The following METTL15 variants were observed in gnomAD, a reference collection of about 807,000 sequenced individuals.
METTL15 encodes the protein 12S rRNA N(4)-cytidine methyltransferase METTL15.
METTL15 carries 34 observed loss-of-function variants against 38.3 expected under a neutral mutation model. The ratio of observed to expected loss-of-function variants is 0.89; its 90% CI spans 0.68 to 1.18. The LOEUF is 1.18. Ranked by LOEUF, METTL15 falls within the 50% of genes most tolerant of loss-of-function variation. The pLI is 0.00. For synonymous variants in METTL15, 162 were observed against 170.9 expected (o/e 0.95, Z 0.41); for missense variants, 438 against 498.4 (o/e 0.88, Z 1.15).
At chr11:28,272,248 A>G (rs1298459861) in intron 4 of METTL15, among the ~76,000 whole-genome samples, 10 of 152,162 alleles carry the variant, frequency 6.6e-5, no homozygotes, top group Admixed American at 3.3e-4. Flanking sequence ...AAATAATTCT[A>G]CTATAAAGAC....
At chr11:28,209,249 T>A (rs1208546792) in intron 3 of METTL15, among the ~76,000 whole-genome samples, 1 of 152,026 alleles carries the variant, frequency 6.6e-6, no homozygotes, top group Non-Finnish European at 1.5e-5. Context: ...TTAGTTTAAA[T>A]CTATAGTTAC....
chr11:28,228,826 A>T lies in METTL15; in HGVS notation c.407+17628A>T, dbSNP rs566156529. On this transcript the variant is annotated intron_variant, in intron 4 of 6. Coordinates refer to ENST00000407364, the MANE Select transcript of METTL15 (RefSeq NM_001113528.2). Reference sequence around the variant, plus strand: ...TTTTAAATTTTTAATTTTTTGCCAAAAACTTTGCAGACTTACAAGGTATCT... The same window carrying T: ...TTTTAAATTTTTAATTTTTTGCCAATAACTTTGCAGACTTACAAGGTATCT... Among the ~76,000 whole-genome samples, 7 of 151,972 alleles carry T rather than the reference A, an allele frequency of 4.6e-5. No individual in the cohort carries two copies. In the South Asian group the frequency reaches 6.2e-4, roughly 14 times the overall value.
chr11:28,430,659 C>A (rs564355037), intron 6 of METTL15, among the ~76,000 whole-genome samples: 1 of 91,950 alleles, frequency 1.1e-5, no homozygotes, highest in East Asian at 3.5e-4. Context: ...CGCCTCTGCC[C>A]GGCCACCCCT....
At chr11:28,326,554 C>G (rs1382480911) in intron 6 of METTL15, among the ~76,000 whole-genome samples, 1 of 151,752 alleles carries the variant, frequency 6.6e-6, no homozygotes, top group Non-Finnish European at 1.5e-5. Context: ...ACTTTAATTT[C>G]CATTATCGCG....
In METTL15 at chr11:28,464,898, A is replaced by G. The variant is rs150253427; in HGVS notation, c.*424+40534A>G. ...GTTGGATTTGAAGTTAGGCAAGAAC[A>G]ATGTCTTGGATTTAATTTAATTTCC... On this transcript the variant is annotated intron_variant and NMD_transcript_variant, in intron 6 of 7. Transcript: ENST00000532947. Among the ~76,000 whole-genome samples, 360 of 152,352 alleles carry G rather than the reference A, an allele frequency of 2.4e-3. 1 individual carries two copies. Among genetic ancestry groups the G allele is most frequent in the African/African-American group, 7.2e-3 (301 of 41,582 alleles).
chr11:28,176,165 A>C (rs1466107406), intron 3 of METTL15, among the ~76,000 whole-genome samples: 1 of 152,048 alleles, frequency 6.6e-6, no homozygotes. Flanking sequence ...AAAGAAATAT[A>C]TTTAGAAAAT....
chr11:28,252,946 T>C (rs1854808407), intron 4 of METTL15, among the ~76,000 whole-genome samples: 1 of 152,182 alleles, frequency 6.6e-6, no homozygotes, highest in South Asian at 2.1e-4. Context: ...CTTCTGTAAC[T>C]TCAGAGTCAC....
intron 4 of METTL15, among the ~76,000 whole-genome samples, chr11:28,217,669 T>A (rs1001071692): frequency 5.9e-5 from 9 of 152,244 alleles, no homozygotes; most frequent in African/African-American, 2.2e-4. Context: ...CTAGGTTTTC[T>A]TCTAGGGTTT....
intron 5 of METTL15, among the ~76,000 whole-genome samples, chr11:28,372,418 A>C (rs1850253710): frequency 6.9e-6 from 1 of 144,456 alleles, no homozygotes; most frequent in Non-Finnish European, 1.5e-5. Flanking sequence ...TCATTAGTAC[A>C]TTGGCTAGAA....
chr11:28,112,662 C>T (rs1851767885), intron 2 of METTL15, among the ~76,000 whole-genome samples: 1 of 151,956 alleles, frequency 6.6e-6, no homozygotes, highest in African/African-American at 2.4e-5. Context: ...CATGAAATAC[C>T]GAAGTGTGCT....
At chr11:28,257,175 AT>A (rs1421720299) in intron 4 of METTL15, among the ~76,000 whole-genome samples, 1 of 152,020 alleles carries the variant, frequency 6.6e-6, no homozygotes, top group Non-Finnish European at 1.5e-5. Flanking sequence ...AGGATAAAAT[AT>A]TTTTTTCTTT....
chr11:28,522,376 G>A (rs1000302312), intron 6 of METTL15, among the ~76,000 whole-genome samples: 1 of 152,184 alleles, frequency 6.6e-6, no homozygotes, highest in Non-Finnish European at 1.5e-5. Flanking sequence ...CTGGAGACCC[G>A]AAGAAGAGCT....
In METTL15 at chr11:28,194,192, C is replaced by CT. The variant is rs1554995677; in HGVS notation, c.271-16870_271-16869insT. On this transcript the variant is annotated intron_variant, in intron 3 of 6. Transcript: ENST00000407364. ...TCTTTCTTTTTCTCTCTCTCTCTCT[C>CT]CTCTCTCTCTCTCTCTCTCTTAATA... Among the ~76,000 whole-genome samples, 740 of 124,836 alleles carry CT rather than the reference C, an allele frequency of 5.9e-3. 3 individuals are homozygous for CT. Among genetic ancestry groups the CT allele is most frequent in the Non-Finnish European group, 9.3e-3 (565 of 60,762 alleles). The allele number at this position is 124,836 out of a possible 152,430, so 81.9% of individuals were successfully genotyped here.
chr11:28,216,032 A>C (rs1458447022), intron 4 of METTL15, among the ~76,000 whole-genome samples: 4 of 152,168 alleles, frequency 2.6e-5, no homozygotes, highest in Admixed American at 6.5e-5. Flanking sequence ...GGATGCATGC[A>C]TGGAAGGATA....
At chr11:28,274,880 A>T in intron 4 of METTL15, among the ~76,000 whole-genome samples, 1 of 151,880 alleles carries the variant, frequency 6.6e-6, no homozygotes, top group Non-Finnish European at 1.5e-5. Context: ...ACACATGTAT[A>T]TATATGTAAC....
chr11:28,320,568 C>CA (rs1849431549), intron 6 of METTL15, among the ~76,000 whole-genome samples: 1 of 151,288 alleles, frequency 6.6e-6, no homozygotes, highest in Admixed American at 6.6e-5. Context: ...CCCGACCCCC[C>CA]AAAAAAAATA....
At chr11:28,219,776 G>T (rs911842748) in intron 4 of METTL15, among the ~76,000 whole-genome samples, 2 of 152,014 alleles carry the variant, frequency 1.3e-5, no homozygotes, top group African/African-American at 4.8e-5. Context: ...GTTCTCGTTG[G>T]TTTCAAAGAA....
chr11:28,487,297 A>G (rs1276478309), intron 6 of METTL15, among the ~76,000 whole-genome samples: 3 of 152,194 alleles, frequency 2.0e-5, no homozygotes, highest in Non-Finnish European at 4.4e-5. Context: ...GAAATAACTA[A>G]AAGCTAATAA....
At chr11:28,530,274 C>T (rs1313394337), downstream of METTL15, among the ~76,000 whole-genome samples, 1 of 152,086 alleles carries the variant, frequency 6.6e-6, no homozygotes. Flanking sequence ...CTAAATAATG[C>T]AAAAGACATA....
Sources: allele counts gnomAD v4.1 joint callset (sites outside exome capture counted in the v4.1 genomes callset), GRCh38; gene constraint gnomAD v4.1.1; transcripts MANE v1.5; gene names NCBI Gene and HGNC (gene_info 2026-07-23, HGNC 2026-07-21).